Variants in STRA6 observed in about 807,000 individuals in gnomAD.
STRA6 encodes the protein signaling receptor and transporter of retinol STRA6, also known as receptor for retinol uptake STRA6.
A neutral mutation model predicts 83.6 loss-of-function variants in STRA6; 48 were observed. The ratio of observed to expected loss-of-function variants is 0.57; its 90% CI spans 0.46 to 0.73. The LOEUF is 0.73. Ranked by LOEUF, STRA6 falls within the 30% of genes least tolerant of loss-of-function variation. The pLI is 0.00. For missense variants in STRA6, 760 were observed against 838.8 expected, an observed-to-expected ratio of 0.91 and a Z score of 1.16; for synonymous variants, 353 against 362.3, an observed-to-expected ratio of 0.97 and a Z score of 0.29.
upstream of STRA6, among the ~76,000 whole-genome samples, chr15:74,204,163 C>T (rs2074198921): frequency 6.6e-6 from 1 of 152,220 alleles, no homozygotes; most frequent in African/African-American, 2.4e-5. Flanking sequence ...TGAACCCGAG[C>T]TTTATTTGAT....
At chr15:74,187,155 G>C (rs1333015735) in intron 12 of STRA6, among the ~76,000 whole-genome samples, 1 of 152,228 alleles carries the variant, frequency 6.6e-6, no homozygotes, top group African/African-American at 2.4e-5. Context: ...GAGTGTACAG[G>C]CTAACACAGG....
chr15:74,185,092 G>A (rs1309032728), intron 12 of STRA6, 37 bp from the exon 13 acceptor site: 1 of 1,604,258 alleles, frequency 6.2e-7, no homozygotes, highest in Non-Finnish European at 8.5e-7. Flanking sequence ...AGAGGTCAGG[G>A]TCTGGAGAGT....
chr15:74,180,198 C>G lies in STRA6; in HGVS notation c.1886G>C (p.Arg629Thr), dbSNP rs1052648123. ...AGCCCTGCCGCGGCTGGCCCCGGGCCTAGCTCCCTTGGCCATGGAGTCCTT... is the reference window on the plus strand; with the variant it reads ...AGCCCTGCCGCGGCTGGCCCCGGGCGTAGCTCCCTTGGCCATGGAGTCCTT... The part of the protein sequence containing the change: ...QTKDSMAKGA[R>T]PGASRGRARW... Residue 629 changes from arginine to threonine, a missense_variant, in exon 19 of 19, where the codon AGG becomes ACG. By Grantham distance (71) the Arg-to-Thr change is moderately conservative (BLOSUM62 -1). Transcript: ENST00000395105. The G allele has an allele frequency of 6.2e-7, 1 of 1,614,010 alleles. No homozygotes were observed. The highest frequency in any genetic ancestry group is 2.2e-5 in the East Asian group (1 of 44,890).
At chr15:74,183,672 C>A in intron 14 of STRA6, 184 bp downstream of exon 14, 2 of 1,532,716 alleles carry the variant, frequency 1.3e-6, no homozygotes, top group East Asian at 2.3e-5. Flanking sequence ...CCTGTACCCC[C>A]ATCCTGAATA....
chr15:74,182,576 GC>G, intron 14 of STRA6, 116 bp from the exon 15 acceptor site: 1 of 780,680 alleles, frequency 1.3e-6, no homozygotes, highest in Admixed American at 2.1e-5. Flanking sequence ...TTAGATCTCT[GC>G]TCTGCCACTG....
chr15:74,200,062 C>CA (rs200653439), intron 2 of STRA6, among the ~76,000 whole-genome samples: 6,065 of 151,818 alleles, frequency 0.04, 398 homozygotes, highest in African/African-American at 0.14. Flanking sequence ...ACTAAAAATA[C>CA]AAAAAAAATT....
chr15:74,189,668 T>TC, intron 11 of STRA6, among the ~76,000 whole-genome samples: 1 of 145,594 alleles, frequency 6.9e-6, no homozygotes, highest in Non-Finnish European at 1.5e-5. Context: ...AACTTCTTCT[T>TC]TTTTTTTTTT....
Position 74,202,301 on chromosome 15 carries a change from GA to G in STRA6, c.-15-20del, listed in dbSNP as rs745315400. 54 of 1,524,506 alleles carry G rather than the reference GA, an allele frequency of 3.5e-5. No individual in the cohort carries two copies. The highest frequency in any genetic ancestry group is 1.7e-4 in the Admixed American group (8 of 46,104). 94.4% of individuals were successfully genotyped at this position (1,524,506 alleles called of 1,614,324 possible). A position where few individuals can be genotyped will look rare whatever the true frequency, so the allele number is the denominator to read the frequency against. ...CCTTCTCCTTTGACCCCAGGCGAGAGAAAAAAAAAGCCACTACAGATGTGAA... is the reference window on the plus strand; with the variant it reads ...CCTTCTCCTTTGACCCCAGGCGAGAGAAAAAAAAGCCACTACAGATGTGAA... On this transcript the variant is annotated intron_variant, in intron 1 of 18. Coordinates refer to ENST00000395105, the MANE Select transcript of STRA6 (RefSeq NM_022369.4).
At chr15:74,207,570 C>G, upstream of STRA6, 2 of 912,568 alleles carry the variant, frequency 2.2e-6, no homozygotes, top group South Asian at 3.2e-5. Flanking sequence ...GCCCTTGACT[C>G]TGAGTCCAGC....
intron 10 of STRA6, 86 bp from the exon 11 acceptor site, chr15:74,190,987 G>A: frequency 6.3e-7 from 1 of 1,597,114 alleles, no homozygotes; most frequent in Non-Finnish European, 8.5e-7. Context: ...CAGGAAAAGG[G>A]CCAGCAGGAC....
At chr15:74,194,013 C>T in intron 7 of STRA6, 91 bp from the exon 8 acceptor site, 2 of 1,576,916 alleles carry the variant, frequency 1.3e-6, no homozygotes, top group Non-Finnish European at 1.7e-6. Context: ...TCACACTGGG[C>T]CCTGAGGGTG....
intron 2 of STRA6, among the ~76,000 whole-genome samples, chr15:74,201,220 GC>G (rs2074043156): frequency 6.6e-6 from 1 of 152,202 alleles, no homozygotes; most frequent in Non-Finnish European, 1.5e-5. Context: ...CGCAGCCCCA[GC>G]CCCTGGGGAG....
At chr15:74,180,504 C>A (rs2072921339) in intron 18 of STRA6, among the ~76,000 whole-genome samples, 1 of 152,170 alleles carries the variant, frequency 6.6e-6, no homozygotes, top group Non-Finnish European at 1.5e-5. Context: ...AGTCATACTC[C>A]CTGCCCCAAG....
chr15:74,195,276 C>T (rs370640983), intron 7 of STRA6, 26 bp downstream of exon 7: 1 of 1,609,796 alleles, frequency 6.2e-7, no homozygotes, highest in Non-Finnish European at 8.5e-7. Context: ...GCCCCTCTGC[C>T]CTAGGCCATT....
At chr15:74,211,153 GCACACA>G (rs71137380), upstream of STRA6, among the ~76,000 whole-genome samples, 2,484 of 148,398 alleles carry the variant, frequency 0.017, 54 homozygotes, top group African/African-American at 0.054. Context: ...GCACGCACAC[GCACACA>G]CACACACACA....
At chr15:74,182,758 C>T (rs2073058873) in intron 14 of STRA6, 2 of 392,108 alleles carry the variant, frequency 5.1e-6, no homozygotes, top group Non-Finnish European at 9.6e-6. Flanking sequence ...TATTTCCCTC[C>T]AGTTTCTCCT....
At chr15:74,197,216 G>A in intron 4 of STRA6, 122 bp downstream of exon 4, 3 of 711,174 alleles carry the variant, frequency 4.2e-6, no homozygotes, top group African/African-American at 1.8e-5. Context: ...CCAGGCTGAG[G>A]GCGATAGGGA....
In STRA6 at chr15:74,190,853, G is replaced by A. The variant is rs756839205; in HGVS notation, c.914C>T (p.Thr305Met). 1.4e-5 allele frequency: 23 copies of A among 1,613,996 alleles called. No homozygotes were observed. Among genetic ancestry groups the A allele is most frequent in the African/African-American group, 4.0e-5 (3 of 74,910 alleles). Residue 305 changes from threonine (T) to methionine (M), a missense_variant, in exon 11 of 19, where the codon ACG becomes ATG. Coordinates refer to ENST00000395105, the MANE Select transcript of STRA6 (RefSeq NM_022369.4). ...KLVLSATLTG[T>M]AIYQVALLLL... is the part of the protein sequence containing the mutation. ...TGAGGGACATACCTGGTAAATGGCCGTCCCTGTCAGTGTAGCTGAAAGCAC... is the reference window on the plus strand; with the variant it reads ...TGAGGGACATACCTGGTAAATGGCCATCCCTGTCAGTGTAGCTGAAAGCAC...
In STRA6 at chr15:74,180,897, G is replaced by A. The variant is rs769812838; in HGVS notation, c.1725C>T (p.Ser575=). ...TYRNFLKIEV[S]QSHPAMTAFC... is the part of the protein sequence containing the mutation. ...AGGCTGTCATGGCTGGATGCGACTG[G>A]CTGACTTCAATCTTCAAGAAGTTTC... The change falls in exon 18 of 19, where the codon AGC becomes AGT. Residue 575 remains serine, a synonymous_variant. Transcript: ENST00000395105. The A allele has an allele frequency of 1.2e-5, 19 of 1,614,068 alleles. No individual in the cohort carries two copies. In the South Asian group the frequency reaches 2.1e-4, roughly 18 times the overall value.
Sources: gnomAD v4.1 joint callset for allele counts (sites outside exome capture counted in the v4.1 genomes callset) on GRCh38, gnomAD v4.1.1 for gene constraint, MANE v1.5 for transcripts, NCBI Gene and HGNC (gene_info 2026-07-23, HGNC 2026-07-21) for gene names.